MBD2: variants seen among roughly 807,000 people sequenced by gnomAD.
MBD2 encodes methyl-CpG binding domain protein 2, also known as methyl-CpG-binding domain protein 2.
MBD2 carries 9 observed loss-of-function variants against 39.3 expected under a neutral mutation model. The ratio of observed to expected loss-of-function variants is 0.23; its 90% CI spans 0.14 to 0.40. The LOEUF is 0.40. MBD2 is among the 10% of genes least tolerant of loss of function. The pLI is 1.00. For synonymous variants in MBD2, 233 were observed against 211.1 expected (o/e 1.10, Z -0.90); for missense variants, 458 against 532.6 (o/e 0.86, Z 1.38).
rs530077528 is a variant in MBD2 at position 54,224,229 on chromosome 18, A to C, written c.331T>G (p.Cys111Gly). 519 of 828,916 alleles carry C rather than the reference A, an allele frequency of 6.3e-4. 3 individuals carry two copies. The highest frequency in any genetic ancestry group is 1.6e-3 in the East Asian group (20 of 12,698). The allele number at this position is 828,916 out of a possible 1,614,324, so 51.3% of individuals were successfully genotyped here. The change falls in exon 1 of 7, where the codon TGC (cysteine) becomes GGC (glycine). Residue 111 changes from cysteine to glycine, a missense_variant. By Grantham distance (159) the Cys-to-Gly change is radical (BLOSUM62 -3). This residue lies in a region of MBD2 where 269 missense variants were observed against 236.0 expected (regional missense o/e 1.14). Coordinates refer to ENST00000256429, the MANE Select transcript of MBD2 (RefSeq NM_003927.5). ...GSGLGGDGGG[C>G]GGGGSGGGGA... ...CCGCCACCGCTGCCGCCGCCGCCGC[A>C]GCCGCCGCCGTCGCCGCCAAGGCCG...
chr18:54,184,423 C>G (rs1409755076), intron 3 of MBD2, among the ~76,000 whole-genome samples: 8 of 152,194 alleles, frequency 5.3e-5, no homozygotes, highest in Non-Finnish European at 1.2e-4. Flanking sequence ...AACCATCCCC[C>G]TCGCCCTCAC....
At chr18:54,199,920 T>C (rs1380555550) in intron 2 of MBD2, among the ~76,000 whole-genome samples, 1 of 152,106 alleles carries the variant, frequency 6.6e-6, no homozygotes, top group Non-Finnish European at 1.5e-5. Flanking sequence ...ACACAGAAAT[T>C]GCCACCAAGA....
chr18:54,158,762 CA>C (rs2086072561), intron 6 of MBD2, among the ~76,000 whole-genome samples: 1 of 152,052 alleles, frequency 6.6e-6, no homozygotes, highest in Non-Finnish European at 1.5e-5. Context: ...GCTAGAATTA[CA>C]AAATTCCAGC....
At chr18:54,189,223 CTTT>C (rs369129707) in intron 2 of MBD2, among the ~76,000 whole-genome samples, 7 of 133,938 alleles carry the variant, frequency 5.2e-5, no homozygotes, top group Admixed American at 7.7e-5. Context: ...TTTTTGTATA[CTTT>C]TTTTTTTTTT....
chr18:54,179,361 A>C (rs2086233484), intron 3 of MBD2, among the ~76,000 whole-genome samples: 1 of 152,268 alleles, frequency 6.6e-6, no homozygotes, highest in Non-Finnish European at 1.5e-5. Flanking sequence ...AGCTCATTTT[A>C]TAAAGCCAGA....
intron 5 of MBD2, among the ~76,000 whole-genome samples, chr18:54,161,771 G>A (rs1038335865): frequency 1.3e-5 from 2 of 152,234 alleles, no homozygotes; most frequent in Admixed American, 6.5e-5. Context: ...CCACCCTTAC[G>A]TGCACTCTTT....
rs369501372 is a variant in MBD2 at position 54,211,675 on chromosome 18, G to C, written c.543-6518C>G. Among the ~76,000 whole-genome samples, 79 of 152,050 alleles carry C rather than the reference G, an allele frequency of 5.2e-4. 1 individual carries two copies. The South Asian group carries it at 0.013, about 26-fold the overall frequency. ...CCCAAATCAAGTCTGCATCACCTCA[G>C]GTCTAAATCACTATGATAAGCTAAC... is the stretch of plus-strand genomic sequence containing the variant. On this transcript the variant is annotated intron_variant, in intron 1 of 6. Transcript: ENST00000256429.
At chr18:54,182,987 TAGTCTC>T (rs1482659884) in intron 3 of MBD2, among the ~76,000 whole-genome samples, 2 of 152,142 alleles carry the variant, frequency 1.3e-5, no homozygotes, top group African/African-American at 4.8e-5. Flanking sequence ...AATAGTTACT[TAGTCTC>T]AGAACGGAGC....
chr18:54,179,721 G>A (rs149747535), intron 3 of MBD2, among the ~76,000 whole-genome samples: 131 of 152,184 alleles, frequency 8.6e-4, no homozygotes, highest in African/African-American at 3.1e-3. Context: ...AGAAAGAGAA[G>A]CAAATTTCCT....
intron 1 of MBD2, among the ~76,000 whole-genome samples, chr18:54,208,827 A>G (rs1568092173): frequency 6.6e-6 from 1 of 152,266 alleles, no homozygotes; most frequent in African/African-American, 2.4e-5. Context: ...TCTACAGAAC[A>G]AAACTCATTA....
chr18:54,202,668 G>A, intron 2 of MBD2: 1 of 1,017,260 alleles, frequency 9.8e-7, no homozygotes, highest in Non-Finnish European at 1.2e-6. Flanking sequence ...AAAATGAAAG[G>A]TATTTCCAAA....
At position 54,224,134 on chromosome 18, in the gene MBD2, C is replaced by G; in HGVS notation, c.426G>C (p.Arg142=). Residue 142 remains arginine (R), a synonymous_variant, in exon 1 of 7, where the codon CGG becomes CGC. Transcript: ENST00000256429. ...CCATCCTCTTCCCGCTCTCCGTGGC[C>G]CGGGGTCCCCTGGGCCCCGGCCCCG... ...GSAGPGPRGP[R]ATESGKRMDC... 1 of 1,551,566 alleles carries G rather than the reference C, an allele frequency of 6.4e-7. No homozygotes were observed. Among genetic ancestry groups the G allele is most frequent in the Non-Finnish European group, 8.7e-7 (1 of 1,155,024 alleles).
chr18:54,211,289 T>C (rs1328929849), intron 1 of MBD2, among the ~76,000 whole-genome samples: 1 of 151,958 alleles, frequency 6.6e-6, no homozygotes, highest in African/African-American at 2.4e-5. Flanking sequence ...AAATCAAACT[T>C]CATCTGAGAC....
intron 3 of MBD2, among the ~76,000 whole-genome samples, chr18:54,180,492 A>T (rs1436200956): frequency 3.3e-5 from 5 of 152,210 alleles, no homozygotes; most frequent in Non-Finnish European, 7.3e-5. Context: ...TTTACCTAAA[A>T]TTGTGATACA....
chr18:54,200,152 T>C (rs1426395887), intron 2 of MBD2, among the ~76,000 whole-genome samples: 1 of 152,214 alleles, frequency 6.6e-6, no homozygotes, highest in Non-Finnish European at 1.5e-5. Flanking sequence ...TGATGTTCTT[T>C]ATTTTCAAAT....
At chr18:54,174,502 CT>C (rs1013607586) in intron 3 of MBD2, among the ~76,000 whole-genome samples, 2 of 151,108 alleles carry the variant, frequency 1.3e-5, no homozygotes, top group South Asian at 2.1e-4. Flanking sequence ...GTGGGTGCCT[CT>C]TTTTTTTTAC....
At chr18:54,204,896 G>T in intron 2 of MBD2, 102 bp downstream of exon 2, 1 of 1,121,654 alleles carries the variant, frequency 8.9e-7, no homozygotes, top group Non-Finnish European at 1.3e-6. Context: ...ACATGCACGG[G>T]ACATTTGGAC....
At chr18:54,214,659 T>A (rs1210252788) in intron 1 of MBD2, among the ~76,000 whole-genome samples, 2 of 152,094 alleles carry the variant, frequency 1.3e-5, no homozygotes, top group Non-Finnish European at 2.9e-5. Context: ...GGAGCTAACA[T>A]TTTACTGATG....
chr18:54,183,159 A>G (rs937450864), intron 3 of MBD2, among the ~76,000 whole-genome samples: 2 of 152,338 alleles, frequency 1.3e-5, no homozygotes, highest in Middle Eastern at 6.8e-3. Flanking sequence ...ATCTAATAAA[A>G]GGCAGATTTG....
Sources: gnomAD v4.1 joint callset for allele counts (sites outside exome capture counted in the v4.1 genomes callset) on GRCh38, gnomAD v4.1.1 for gene constraint, gnomAD v4.1.1 regional missense constraint, MANE v1.5 for transcripts, NCBI Gene and HGNC (gene_info 2026-07-23, HGNC 2026-07-21) for gene names.